Variants in CRAMP1 observed in about 807,000 individuals in gnomAD.
CRAMP1 encodes the protein protein cramped-like.
Under a neutral mutation model 115.4 loss-of-function variants are expected in CRAMP1, and 50 were observed. The ratio of observed to expected loss-of-function variants is 0.43; its 90% CI spans 0.35 to 0.55. CRAMP1 has a LOEUF of 0.55. CRAMP1 is among the 20% of genes least tolerant of loss of function. The pLI, the probability that CRAMP1 is intolerant of heterozygous loss-of-function variation, is 0.01. For synonymous variants in CRAMP1, 866 were observed against 745.4 expected (o/e 1.16, Z -2.64); for missense variants, 1,679 against 1,721.7 (o/e 0.98, Z 0.44).
Position 1,614,881 on chromosome 16 carries a change from A to T in CRAMP1, c.242A>T (p.His81Leu). 1 of 1,331,302 alleles carries T rather than the reference A, an allele frequency of 7.5e-7. No homozygotes were observed. The highest frequency in any genetic ancestry group is 2.4e-5 in the South Asian group (1 of 42,552). 82.5% of individuals were successfully genotyped at this position (1,331,302 alleles called of 1,614,324 possible). The change falls in exon 2 of 21, where the codon CAC becomes CTC. Residue 81 changes from histidine to leucine, a missense_variant. His to Leu is a moderately conservative substitution (Grantham distance 99). This residue lies in a region of CRAMP1 where 264 missense variants were observed against 229.7 expected (regional missense o/e 1.15). Coordinates refer to ENST00000397412, the MANE Select transcript of CRAMP1 (RefSeq NM_020825.4). The surrounding 1 kb of genome is among the most constrained non-coding windows in gnomAD (Gnocchi z 4.4). ...PPQGSPQDQHHFLRSSVRPQS... is the reference protein window; with the variant it reads ...PPQGSPQDQHLFLRSSVRPQS... ...CAGGGCAGCCCCCAGGACCAGCACC[A>T]CTTCCTCCGGTCCAGCGTGCGGCCG...
At chr16:1,613,499 T>C (rs1398735207) in intron 1 of CRAMP1, among the ~76,000 whole-genome samples, 1 of 152,228 alleles carries the variant, frequency 6.6e-6, no homozygotes, top group African/African-American at 2.4e-5. Context: ...AGGGTCAGTA[T>C]CTGCTGAGGA....
At position 1,677,577 on chromosome 16, in the gene CRAMP1, AG is replaced by A. The variant is rs1046149939; in HGVS notation, c.*3533del. The A allele has an allele frequency of 3.9e-5, 6 of 152,590 alleles. No individual in the cohort carries two copies. The highest frequency in any genetic ancestry group is 1.3e-4 in the Admixed American group (2 of 15,276). The allele number at this position is 152,590 out of a possible 1,614,324, so 9.5% of individuals were successfully genotyped here. A position where few individuals can be genotyped will look rare whatever the true frequency, so the allele number is the denominator to read the frequency against. Reference sequence around the variant, plus strand: ...TCCTTGGGGTGGGTGAGGTGTGGGGAGCCCAGCCCCTGGCCCTGCCTCCCGC... The same window carrying A: ...TCCTTGGGGTGGGTGAGGTGTGGGGACCCAGCCCCTGGCCCTGCCTCCCGC... On this transcript the variant is annotated 3_prime_UTR_variant, in exon 21 of 21. Transcript: ENST00000397412.
rs745495691 is a variant in CRAMP1, at chr16:1,674,085, G to C, written c.*40G>C. ...GGCGGATGAAGCCCTCTTCGAGCTA[G>C]AGAAAAATAGATAAGCCCAGCAGCC... is the stretch of plus-strand genomic sequence containing the variant. On this transcript the variant is annotated 3_prime_UTR_variant, in exon 21 of 21. Coordinates refer to ENST00000397412, the MANE Select transcript of CRAMP1 (RefSeq NM_020825.4). 56 of 1,589,486 alleles carry C rather than the reference G, an allele frequency of 3.5e-5. No homozygotes were observed. Among genetic ancestry groups the C allele is most frequent in the East Asian group, 4.5e-5 (2 of 44,212 alleles).
chr16:1,630,349 A>G (rs1324411011), intron 3 of CRAMP1, among the ~76,000 whole-genome samples: 5 of 151,790 alleles, frequency 3.3e-5, no homozygotes, highest in African/African-American at 1.2e-4. Flanking sequence ...ATGGGGTTTC[A>G]CTATGTTGCT....
At chr16:1,632,076 A>G in intron 3 of CRAMP1, 136 bp from the exon 4 acceptor site, 1 of 906,116 alleles carries the variant, frequency 1.1e-6, no homozygotes, top group Non-Finnish European at 1.6e-6. Flanking sequence ...TACACAGATA[A>G]GAGCTTGGAA....
intron 20 of CRAMP1, among the ~76,000 whole-genome samples, chr16:1,673,136 G>A (rs971293809): frequency 6.7e-6 from 1 of 149,398 alleles, no homozygotes; most frequent in Non-Finnish European, 1.5e-5. Flanking sequence ...TGATGGGAAC[G>A]TGCCCCCAGC....
chr16:1,660,508 A>G (rs745456495), intron 11 of CRAMP1, among the ~76,000 whole-genome samples: 6 of 152,208 alleles, frequency 3.9e-5, no homozygotes, highest in South Asian at 4.1e-4. Flanking sequence ...TGATGGAGCA[A>G]TCTCCAAGTC....
chr16:1,625,706 A>G (rs2142173197), intron 2 of CRAMP1: 1 of 363,652 alleles, frequency 2.7e-6, no homozygotes. Flanking sequence ...CTGCAGCGTC[A>G]TTGTGCTGTT....
chr16:1,656,884 G>T lies in CRAMP1; in HGVS notation c.2127G>T (p.Gly709=). 1 of 1,550,920 alleles carries T rather than the reference G, an allele frequency of 6.4e-7. No homozygotes were observed. The highest frequency in any genetic ancestry group is 8.7e-7 in the Non-Finnish European group (1 of 1,147,326). Residue 709 remains glycine, a synonymous_variant, in exon 10 of 21, where the codon GGG becomes GGT. Transcript: ENST00000397412. The surrounding 1 kb of genome is among the most constrained non-coding windows in gnomAD (Gnocchi z 5.6). ...SKLQLEYDWL[G]PGRQDPRPGS... ...TGCAGCTGGAGTACGACTGGCTGGG[G>T]CCCGGCCGCCAGGACCCCCGCCCCG... is the stretch of plus-strand genomic sequence containing the variant.
intron 6 of CRAMP1, among the ~76,000 whole-genome samples, chr16:1,648,798 C>G (rs888265913): frequency 2.6e-5 from 4 of 152,060 alleles, no homozygotes; most frequent in East Asian, 3.9e-4. Flanking sequence ...GTGGCTCACG[C>G]CTGTAATCCC....
At chr16:1,665,637 C>T (rs2036868123) in intron 14 of CRAMP1, 1 of 223,682 alleles carries the variant, frequency 4.5e-6, no homozygotes, top group South Asian at 7.7e-5. Flanking sequence ...TATTGCAAGA[C>T]CCTTAACAGC....
chr16:1,618,457 G>A (rs2036439432), intron 2 of CRAMP1, among the ~76,000 whole-genome samples: 2 of 152,112 alleles, frequency 1.3e-5, no homozygotes, highest in Non-Finnish European at 2.9e-5. Context: ...GTAGAAGTCC[G>A]GGAATGCTGG....
chr16:1,643,589 G>A (rs917913778), intron 6 of CRAMP1, among the ~76,000 whole-genome samples: 8 of 152,140 alleles, frequency 5.3e-5, no homozygotes, highest in African/African-American at 1.9e-4. Flanking sequence ...CCGAGGGAAG[G>A]GCAAGAAGCA....
Position 1,655,898 on chromosome 16 carries a change from C to T in CRAMP1, c.1141C>T (p.Gln381Ter). The T allele has an allele frequency of 6.2e-7, 1 of 1,609,826 alleles. No individual in the cohort carries two copies. ...TCAGCGGAAGACACTCGAGGAGCGG[C>T]AGCTGCAGGACTCATGCTCCGCACC... Reference protein sequence around the residue: ...VRVRKTLEERQLQDSCSAPMQ... With the variant: ...VRVRKTLEER The change falls in exon 10 of 21, where the codon CAG becomes TAG. Residue 381 changes from glutamine to a stop codon, truncating the protein, a stop_gained. Transcript: ENST00000397412. LOFTEE classifies it high-confidence loss of function.
At chr16:1,617,481 G>C (rs2036430956) in intron 2 of CRAMP1, among the ~76,000 whole-genome samples, 1 of 152,230 alleles carries the variant, frequency 6.6e-6, no homozygotes, top group Non-Finnish European at 1.5e-5. Flanking sequence ...TTACATTCTG[G>C]AGAAATCTGC....
chr16:1,635,551 G>A (rs1473406917), intron 4 of CRAMP1, among the ~76,000 whole-genome samples: 3 of 152,202 alleles, frequency 2.0e-5, no homozygotes, highest in East Asian at 1.9e-4. Flanking sequence ...GCCCTGCTTC[G>A]TCCCAGGGTC....
chr16:1,673,718 G>A (rs1030111749), intron 20 of CRAMP1, among the ~76,000 whole-genome samples, 163 bp from the exon 21 acceptor site: 8 of 152,218 alleles, frequency 5.3e-5, no homozygotes, highest in Admixed American at 2.0e-4. Context: ...GCGGGCAGAC[G>A]ACAGGTGATT....
chr16:1,668,698 C>T (rs2036896666), intron 18 of CRAMP1, among the ~76,000 whole-genome samples: 2 of 152,184 alleles, frequency 1.3e-5, no homozygotes, highest in South Asian at 4.1e-4. Context: ...CTTGCTGAGC[C>T]TCCCTTTCCT....
At position 1,614,845 on chromosome 16, in the gene CRAMP1, C is replaced by T. The variant is rs1011131956; in HGVS notation, c.206C>T (p.Pro69Leu). Residue 69 changes from proline to leucine, a missense_variant, in exon 2 of 21, where the codon CCG (proline) becomes CTG (leucine). By Grantham distance (98) the Pro-to-Leu change is moderately conservative. Coordinates refer to ENST00000397412, the MANE Select transcript of CRAMP1 (RefSeq NM_020825.4). The surrounding 1 kb of genome is among the most constrained non-coding windows in gnomAD (Gnocchi z 4.4). Reference sequence around the variant, plus strand: ...GCGCCCCCCGGCGCGCCGCAGGCGCCGTCCCCGCCGCAGGGCAGCCCCCAG... The same window carrying T: ...GCGCCCCCCGGCGCGCCGCAGGCGCTGTCCCCGCCGCAGGGCAGCCCCCAG... The part of the protein sequence containing the change: ...PPAPPGAPQA[P>L]SPPQGSPQDQ... 3.9e-6 allele frequency: 5 copies of T among 1,283,290 alleles called. No individual in the cohort carries two copies. Among genetic ancestry groups the T allele is most frequent in the Middle Eastern group, 2.6e-4 (1 of 3,838 alleles). 79.5% of individuals were successfully genotyped at this position (1,283,290 alleles called of 1,614,324 possible).
Sources: allele counts gnomAD v4.1 joint callset (sites outside exome capture counted in the v4.1 genomes callset), GRCh38; gene constraint gnomAD v4.1.1; regional missense constraint gnomAD v4.1.1; non-coding constraint Gnocchi (gnomAD v3.1); transcripts MANE v1.5; gene names NCBI Gene and HGNC (gene_info 2026-07-23, HGNC 2026-07-21).